Variants in SLC38A8 observed in about 807,000 individuals in gnomAD.
SLC38A8 encodes the protein solute carrier family 38 member 8.
A neutral mutation model predicts 46.0 loss-of-function variants in SLC38A8; 65 were observed. The observed-to-expected ratio is 1.41, with a 90% CI of 1.16 to 1.74. SLC38A8 has a LOEUF of 1.74. SLC38A8 is among the 40% of genes most tolerant of loss of function. SLC38A8 has a pLI of 0.00. For missense variants in SLC38A8, 998 were observed against 567.9 expected (o/e 1.76, Z -7.70); for synonymous variants, 447 against 243.7 (o/e 1.83, Z -7.77).
intron 5 of SLC38A8, among the ~76,000 whole-genome samples, chr16:84,030,764 C>A (rs7195247): frequency 0.42 from 64,055 of 151,850 alleles, 14,826 homozygotes; most frequent in African/African-American, 0.62. Flanking sequence ...ATGCGGGGAC[C>A]CTTGTTGGAC....
At chr16:84,025,149 C>T (rs12929637) in intron 6 of SLC38A8, among the ~76,000 whole-genome samples, 89,389 of 151,888 alleles carry the variant, frequency 0.59, 26,493 homozygotes, top group East Asian at 0.67. Context: ...CCAGACACAC[C>T]GGGCGGGGAT....
chr16:84,016,444 C>G, intron 9 of SLC38A8, 75 bp downstream of exon 9: 1 of 1,533,764 alleles, frequency 6.5e-7, no homozygotes. Context: ...ACCTTGACCT[C>G]CAACACTGGG....
At chr16:84,018,894 C>G (rs2085063417) in intron 7 of SLC38A8, among the ~76,000 whole-genome samples, 1 of 152,112 alleles carries the variant, frequency 6.6e-6, no homozygotes, top group Non-Finnish European at 1.5e-5. Flanking sequence ...CTAGCAGAAG[C>G]TAAGGCTAGT....
chr16:84,024,963 G>C (rs2085144469), intron 6 of SLC38A8, among the ~76,000 whole-genome samples: 1 of 152,130 alleles, frequency 6.6e-6, no homozygotes, highest in Non-Finnish European at 1.5e-5. Context: ...TTACAGGCGT[G>C]AGCCACCAAG....
chr16:84,012,938 T>G, intron 10 of SLC38A8, 63 bp downstream of exon 10: 1 of 1,568,746 alleles, frequency 6.4e-7, no homozygotes, highest in Admixed American at 1.8e-5. Context: ...CAGGGTCCCC[T>G]GAAACATTCT....
At chr16:84,014,929 T>C (rs931612032) in intron 9 of SLC38A8, among the ~76,000 whole-genome samples, 3 of 149,326 alleles carry the variant, frequency 2.0e-5, no homozygotes, top group Admixed American at 6.6e-5. Context: ...CCTGGGACCC[T>C]GAACAATGTT....
intron 10 of SLC38A8, among the ~76,000 whole-genome samples, chr16:84,010,679 G>A (rs901936089): frequency 1.2e-4 from 19 of 152,180 alleles, no homozygotes; most frequent in African/African-American, 4.6e-4. Flanking sequence ...GGGAGGCAGA[G>A]GTCGCAGTGA....
intron 4 of SLC38A8, among the ~76,000 whole-genome samples, chr16:84,032,902 GTGGGTGAGCATGGGTGGGTGTGGGTAC>G (rs2085259523): frequency 1.0e-5 from 1 of 95,696 alleles, no homozygotes; most frequent in African/African-American, 5.2e-5. Flanking sequence ...GCATGTGTGG[GTGGGTGAGCATGGGTGGGTGTGGGTAC>G]GTGGGTGTGC....
chr16:84,034,966 C>G (rs937924650), intron 3 of SLC38A8, among the ~76,000 whole-genome samples: 2 of 152,138 alleles, frequency 1.3e-5, no homozygotes, highest in Non-Finnish European at 2.9e-5. Context: ...TGCCATGACT[C>G]CCCCAAGCAC....
chr16:84,016,633 G>A lies in SLC38A8; in HGVS notation c.1048C>T (p.Leu350=), dbSNP rs1017305851. 1.2e-6 allele frequency: 2 copies of A among 1,613,874 alleles called. No individual in the cohort carries two copies. Among genetic ancestry groups the A allele is most frequent in the Non-Finnish European group, 1.7e-6 (2 of 1,180,036 alleles). Residue 350 remains leucine (L), a synonymous_variant, in exon 9 of 11, where the codon CTG becomes TTG. Coordinates refer to ENST00000299709, the MANE Select transcript of SLC38A8 (RefSeq NM_001080442.3). ...GTCACGGTGACCCACAGGATGGTCA[G>A]CGGCATCCGGACCCACAGCCCTGAG... The part of the protein sequence containing the change: ...DPSGLWVRMP[L]TILWVTVTLA...
intron 10 of SLC38A8, among the ~76,000 whole-genome samples, 191 bp downstream of exon 10, chr16:84,012,810 T>C (rs1024369868): frequency 2.0e-5 from 3 of 152,182 alleles, no homozygotes; most frequent in African/African-American, 7.2e-5. Flanking sequence ...GACCCGGTGT[T>C]ACTGGCCCGG....
chr16:84,013,023 C>T lies in SLC38A8; in HGVS notation c.1192G>A (p.Glu398Lys), dbSNP rs140783318. The change falls in exon 10 of 11, where the codon GAG becomes AAG. Residue 398 changes from glutamate to lysine, a missense_variant. Glu to Lys is a moderately conservative substitution (Grantham distance 56). Coordinates refer to ENST00000299709, the MANE Select transcript of SLC38A8 (RefSeq NM_001080442.3). ...GLCLICAMGV[E>K]PIGPRVKCCL... ...TACTTGACTCTTGGTCCTATAGGCT[C>T]GACACCCATTGCACAGATGAGGCAC... 14 of 1,614,062 alleles carry T rather than the reference C, an allele frequency of 8.7e-6. No homozygotes were observed. Among genetic ancestry groups the T allele is most frequent in the African/African-American group, 8.0e-5 (6 of 74,926 alleles).
At chr16:84,039,656 G>A (rs1234421023) in intron 2 of SLC38A8, among the ~76,000 whole-genome samples, 2 of 150,712 alleles carry the variant, frequency 1.3e-5, no homozygotes, top group African/African-American at 2.4e-5. Flanking sequence ...GGCTGGGCAG[G>A]AGAATCGCTT....
chr16:84,035,296 ACTT>A, intron 3 of SLC38A8, among the ~76,000 whole-genome samples: 1 of 152,112 alleles, frequency 6.6e-6, no homozygotes, highest in African/African-American at 2.4e-5. Flanking sequence ...CGCCAATCTC[ACTT>A]CTTCTTGGTA....
At chr16:84,031,801 C>T (rs994558833) in intron 5 of SLC38A8, 66 bp downstream of exon 5, 2 of 1,350,346 alleles carry the variant, frequency 1.5e-6, no homozygotes, top group African/African-American at 2.9e-5. Flanking sequence ...CTCCAAGACT[C>T]CCCTCACAGA....
In SLC38A8 at chr16:84,016,746, A is replaced by G; in HGVS notation, c.954-19T>C. 6.2e-7 allele frequency: 1 copy of G among 1,606,790 alleles called. No homozygotes were observed. Among genetic ancestry groups the G allele is most frequent in the Non-Finnish European group, 8.5e-7 (1 of 1,176,378 alleles). On this transcript the variant is annotated intron_variant, in intron 8 of 10. Transcript: ENST00000299709. ...CACTGACCTGGAGGCCACAGCCAAC[A>G]CAGACACATGGGCATCTCAGGGGCA...
intron 7 of SLC38A8, among the ~76,000 whole-genome samples, chr16:84,019,528 T>C (rs1249271526): frequency 1.3e-5 from 2 of 152,214 alleles, no homozygotes; most frequent in Non-Finnish European, 1.5e-5. Flanking sequence ...ACTGCCATAC[T>C]GGCAATTTAA....
At chr16:84,011,537 C>T (rs952705183) in intron 10 of SLC38A8, among the ~76,000 whole-genome samples, 7 of 152,202 alleles carry the variant, frequency 4.6e-5, no homozygotes, top group African/African-American at 1.4e-4. Flanking sequence ...CCCAAATTCA[C>T]GATTGCTGCC....
chr16:84,010,020 C>T, intron 10 of SLC38A8, 143 bp from the exon 11 acceptor site: 1 of 585,304 alleles, frequency 1.7e-6, no homozygotes, highest in Admixed American at 3.8e-5. Flanking sequence ...TTCCAGTTAC[C>T]TGTAGGGATG....
Sources: allele counts gnomAD v4.1 joint callset (sites outside exome capture counted in the v4.1 genomes callset), GRCh38; gene constraint gnomAD v4.1.1; transcripts MANE v1.5; gene names NCBI Gene and HGNC (gene_info 2026-07-23, HGNC 2026-07-21).